Variants in TNPO1 observed in about 807,000 individuals in gnomAD.
The protein encoded by TNPO1 is transportin-1.
TNPO1 carries 8 observed loss-of-function variants against 119.5 expected under a neutral mutation model. The observed-to-expected ratio is 0.07, with a 90% CI of 0.04 to 0.12. The LOEUF (loss-of-function observed/expected upper bound fraction) is 0.12. TNPO1 is among the 10% of genes least tolerant of loss of function. The pLI is 1.00. For synonymous variants in TNPO1, 362 were observed against 363.0 expected (o/e 1.00, Z 0.03); for missense variants, 576 against 1,089.8 (o/e 0.53, Z 6.64).
In TNPO1 at chr5:72,911,665, GT is replaced by G. The variant is rs1225295923; in HGVS notation, c.*2995del. 1 of 152,498 alleles carries G rather than the reference GT, an allele frequency of 6.6e-6. No homozygotes were observed. Among genetic ancestry groups the G allele is most frequent in the Non-Finnish European group, 1.5e-5 (1 of 67,948 alleles). The allele number at this position is 152,498 out of a possible 1,614,324, so 9.4% of individuals were successfully genotyped here. A position where few individuals can be genotyped will look rare whatever the true frequency, so the allele number is the denominator to read the frequency against. ...GAGTTTGTCTTTGTTACATTCCAGTGTTTCTGCCTCTTGGCATGCTTAAAGC... is the reference window on the plus strand; with the variant it reads ...GAGTTTGTCTTTGTTACATTCCAGTGTTCTGCCTCTTGGCATGCTTAAAGC... On this transcript the variant is annotated 3_prime_UTR_variant, in exon 25 of 25. Transcript: ENST00000337273.
chr5:72,888,339 A>T (rs201020388), intron 13 of TNPO1, 36 bp downstream of exon 13: 3 of 1,574,118 alleles, frequency 1.9e-6, no homozygotes, highest in Non-Finnish European at 2.6e-6. Context: ...TCTTTGTGGC[A>T]GTGAAAAACT....
chr5:72,862,644 TTTTG>T (rs992600402), intron 5 of TNPO1, among the ~76,000 whole-genome samples: 158 of 151,658 alleles, frequency 1.0e-3, no homozygotes, highest in African/African-American at 3.5e-3. Flanking sequence ...TCTTCGTTTT[TTTTG>T]TTTGTTTGTT....
chr5:72,864,801 G>A (rs939732012), intron 5 of TNPO1, among the ~76,000 whole-genome samples: 1 of 151,940 alleles, frequency 6.6e-6, no homozygotes, highest in East Asian at 2.0e-4. Context: ...TAGAGACAGG[G>A]TTTCACCATG....
chr5:72,906,453 G>A (rs1750174921), intron 24 of TNPO1, among the ~76,000 whole-genome samples: 7 of 151,576 alleles, frequency 4.6e-5, no homozygotes, highest in Admixed American at 4.6e-4. Context: ...CACCATGCCT[G>A]GCTAATTTTT....
At chr5:72,854,995 T>A (rs186263132) in intron 3 of TNPO1, among the ~76,000 whole-genome samples, 29 of 150,726 alleles carry the variant, frequency 1.9e-4, no homozygotes, top group Admixed American at 9.3e-4. Flanking sequence ...TTTCAAAAAA[T>A]TTTTTTTTTG....
In TNPO1 at chr5:72,912,165, A is replaced by G. The variant is rs1256575576; in HGVS notation, c.*3492A>G. 3.3e-5 allele frequency: 5 copies of G among 152,658 alleles called. No individual in the cohort carries two copies. The highest frequency in any genetic ancestry group is 9.6e-5 in the African/African-American group (4 of 41,582). 9.5% of individuals were successfully genotyped at this position (152,658 alleles called of 1,614,324 possible). ...TTAAGAGCCAGTTCTGATGCTTTACATTATTGCTACTTGATTTTGTTATGC... is the reference window on the plus strand; with the variant it reads ...TTAAGAGCCAGTTCTGATGCTTTACGTTATTGCTACTTGATTTTGTTATGC... On this transcript the variant is annotated 3_prime_UTR_variant, in exon 25 of 25. Coordinates refer to ENST00000337273, the MANE Select transcript of TNPO1 (RefSeq NM_002270.4).
chr5:72,870,676 A>G (rs1469911588), intron 6 of TNPO1, among the ~76,000 whole-genome samples: 2 of 152,204 alleles, frequency 1.3e-5, no homozygotes, highest in Non-Finnish European at 2.9e-5. Flanking sequence ...CTTTTAATTT[A>G]AAATGTAAGT....
At chr5:72,868,450 A>AAC (rs1747110374) in intron 6 of TNPO1, among the ~76,000 whole-genome samples, 1 of 148,784 alleles carries the variant, frequency 6.7e-6, no homozygotes, top group Non-Finnish European at 1.5e-5. Context: ...AAAAAAAAAA[A>AAC]AAAAAAAAAC....
rs1055592415 is a variant in TNPO1, at chr5:72,827,750, C to T, written c.15+10998C>T. ...GCAGCATAGGGAGACCCTGTCTCCA[C>T]AAAAAAATTTTTTTTTTAAATTAGC... is the stretch of plus-strand genomic sequence containing the variant. On this transcript the variant is annotated intron_variant, in intron 1 of 24. Coordinates refer to ENST00000337273, the MANE Select transcript of TNPO1 (RefSeq NM_002270.4). 4.6e-5 allele frequency among the ~76,000 whole-genome samples: 7 copies of T among 151,544 alleles called. 1 individual carries two copies. The East Asian group carries it at 1.4e-3, about 29-fold the overall frequency.
Position 72,906,012 on chromosome 5 carries a change from C to T in TNPO1, c.*35+567C>T, listed in dbSNP as rs76530525. 1.2e-4 allele frequency among the ~76,000 whole-genome samples: 18 copies of T among 152,292 alleles called. No individual in the cohort carries two copies. The East Asian group carries it at 3.5e-3, about 29-fold the overall frequency. On this transcript the variant is annotated intron_variant, in intron 24 of 24. Coordinates refer to ENST00000337273, the MANE Select transcript of TNPO1 (RefSeq NM_002270.4). ...TGAATCGTAGGTATAAAGAAATCCACGTTGGTACACTGGTTGGATTTCTCA... is the reference window on the plus strand; with the variant it reads ...TGAATCGTAGGTATAAAGAAATCCATGTTGGTACACTGGTTGGATTTCTCA...
intron 15 of TNPO1, among the ~76,000 whole-genome samples, chr5:72,892,630 A>C (rs1246086915): frequency 6.6e-6 from 1 of 152,166 alleles, no homozygotes; most frequent in Admixed American, 6.5e-5. Flanking sequence ...AGTCCCTTAT[A>C]TAAAATGATG....
rs1244492249 is a variant in TNPO1 at position 72,914,165 on chromosome 5, C to CT, written c.*5493dup. ...GTACTAAATTGATATTTCTTGAAGT[C>CT]TAACTCTGTGCTAACAGATCTCCAT... On this transcript the variant is annotated 3_prime_UTR_variant, in exon 25 of 25. Coordinates refer to ENST00000337273, the MANE Select transcript of TNPO1 (RefSeq NM_002270.4). 8.5e-5 allele frequency: 13 copies of CT among 152,600 alleles called. No homozygotes were observed. The highest frequency in any genetic ancestry group is 3.1e-4 in the African/African-American group (13 of 41,454). The allele number at this position is 152,600 out of a possible 1,614,324, so 9.5% of individuals were successfully genotyped here.
At chr5:72,855,971 A>G in intron 4 of TNPO1, 48 bp downstream of exon 4, 2 of 1,567,496 alleles carry the variant, frequency 1.3e-6, no homozygotes, top group Non-Finnish European at 1.8e-6. Flanking sequence ...TAACTGGGTC[A>G]TTTTTAGAGA....
intron 5 of TNPO1, among the ~76,000 whole-genome samples, chr5:72,864,173 T>G (rs1363746682): frequency 1.3e-5 from 2 of 152,196 alleles, no homozygotes; most frequent in Non-Finnish European, 2.9e-5. Context: ...TATGACTATT[T>G]TAGCATGTTA....
At chr5:72,873,862 G>A (rs1263537849) in intron 7 of TNPO1, among the ~76,000 whole-genome samples, 2 of 152,082 alleles carry the variant, frequency 1.3e-5, no homozygotes, top group African/African-American at 4.8e-5. Flanking sequence ...TTGGAACAAT[G>A]GCTGCCACAG....
chr5:72,851,867 T>G (rs1432970673), intron 3 of TNPO1, among the ~76,000 whole-genome samples: 1 of 152,240 alleles, frequency 6.6e-6, no homozygotes, highest in Non-Finnish European at 1.5e-5. Context: ...TGTTGCAAAG[T>G]CTACTTTAAT....
chr5:72,875,720 A>C lies in TNPO1; in HGVS notation c.784A>C (p.Met262Leu). 1 of 1,610,878 alleles carries C rather than the reference A, an allele frequency of 6.2e-7. No individual in the cohort carries two copies. Among genetic ancestry groups the C allele is most frequent in the East Asian group, 2.2e-5 (1 of 44,822 alleles). Reference protein sequence around the residue: ...EVRMDRLLPHMHNIVEYMLQR... With the variant: ...EVRMDRLLPHLHNIVEYMLQR... ...TCGAATGGATCGCCTGCTTCCTCAC[A>C]TGCATAATATAGTTGAGGTAACACT... is the stretch of plus-strand genomic sequence containing the variant. Residue 262 changes from methionine to leucine, a missense_variant, in exon 8 of 25, where the codon ATG (methionine) becomes CTG (leucine). Met to Leu is a conservative substitution (Grantham distance 15, BLOSUM62 2). This residue lies in a region of TNPO1 where 310 missense variants were observed against 583.0 expected (regional missense o/e 0.53). Coordinates refer to ENST00000337273, the MANE Select transcript of TNPO1 (RefSeq NM_002270.4).
chr5:72,839,105 A>G (rs1382081454), intron 1 of TNPO1, among the ~76,000 whole-genome samples: 2 of 152,186 alleles, frequency 1.3e-5, no homozygotes, highest in Non-Finnish European at 2.9e-5. Flanking sequence ...AGGGTTAACA[A>G]TAGGCAGTGA....
chr5:72,827,309 A>G (rs1388387214), intron 1 of TNPO1, among the ~76,000 whole-genome samples: 3 of 152,212 alleles, frequency 2.0e-5, no homozygotes, highest in Non-Finnish European at 4.4e-5. Flanking sequence ...TGATGAGGAT[A>G]TAAGATCTGT....
Sources: gnomAD v4.1 joint callset for allele counts (sites outside exome capture counted in the v4.1 genomes callset) on GRCh38, gnomAD v4.1.1 for gene constraint, gnomAD v4.1.1 regional missense constraint, MANE v1.5 for transcripts, NCBI Gene and HGNC (gene_info 2026-07-23, HGNC 2026-07-21) for gene names.